NBPF15: variants seen among roughly 807,000 people sequenced by gnomAD.
The protein encoded by NBPF15 is NBPF family member NBPF15.
In NBPF15, 74 loss-of-function variants were observed where a neutral mutation model predicts 62.2. That is an observed-to-expected ratio of 1.19 (90% confidence interval 0.99 to 1.44). NBPF15 has a LOEUF of 1.44. Ranked by LOEUF, NBPF15 falls within the 40% of genes most tolerant of loss-of-function variation. The pLI, the probability that NBPF15 is intolerant of heterozygous loss-of-function variation, is 0.00. For missense variants in NBPF15, 790 were observed against 550.0 expected, an observed-to-expected ratio of 1.44 and a Z score of -4.36; for synonymous variants, 244 against 209.7, an observed-to-expected ratio of 1.16 and a Z score of -1.41.
Position 144,450,866 on chromosome 1 carries a change from C to A in NBPF15, c.-427G>T, listed in dbSNP as rs1170373963. ...AGTGTGGCTTTACTGTTATCAATCA[C>A]ATTTCTGAAAGAATAAAAATGGTTC... On this transcript the variant is annotated 5_prime_UTR_variant, in exon 5 of 22. An upstream start codon of the reference 5' UTR is lost. Coordinates refer to ENST00000581897, the MANE Select transcript of NBPF15 (RefSeq NM_001385408.1). 2.2e-5 allele frequency: 17 copies of A among 789,916 alleles called. No individual in the cohort carries two copies. The highest frequency in any genetic ancestry group is 2.5e-5 in the Non-Finnish European group (16 of 652,586). The allele number at this position is 789,916 out of a possible 1,614,324, so 48.9% of individuals were successfully genotyped here. A position where few individuals can be genotyped will look rare whatever the true frequency, so the allele number is the denominator to read the frequency against.
rs1229682742 is a variant in NBPF15, at chr1:144,445,853, CTTTTTTTTTTT to C, written c.-191+2911_-191+2921del. On this transcript the variant is annotated intron_variant, in intron 6 of 21. Transcript: ENST00000581897. The stretch of plus-strand genomic sequence containing the variant: ...CCTTACATAAATTTTGTTGACTTTC[CTTTTTTTTTTT>C]TTTTTTTTTTGAAACAGAGTCTTGC... 9.5e-5 allele frequency among the ~76,000 whole-genome samples: 10 copies of C among 105,410 alleles called. 1 individual carries two copies. Among genetic ancestry groups the C allele is most frequent in the African/African-American group, 3.0e-4 (8 of 26,314 alleles). The allele number at this position is 105,410 out of a possible 152,430, so 69.2% of individuals were successfully genotyped here.
intron 17 of NBPF15, 105 bp from the exon 18 acceptor site, chr1:144,426,555 G>A (rs1669796570): frequency 1.6e-5 from 12 of 734,244 alleles, no homozygotes; most frequent in South Asian, 1.3e-4. Flanking sequence ...AAAAGAAAAA[G>A]GACGGATCCA....
chr1:144,461,158 A>G (rs4950234), intron 1 of NBPF15, among the ~76,000 whole-genome samples, 197 bp from the exon 2 acceptor site: 14,736 of 151,532 alleles, frequency 0.097, 1,976 homozygotes, highest in African/African-American at 0.3. Flanking sequence ...CCACCCCCTG[A>G]GATGCCACAG....
At position 144,423,004 on chromosome 1, in the gene NBPF15, A is replaced by G; in HGVS notation, c.*9T>C. 6.2e-7 allele frequency: 1 copy of G among 1,611,648 alleles called. No homozygotes were observed. The highest frequency in any genetic ancestry group is 8.5e-7 in the Non-Finnish European group (1 of 1,179,616). ...CAGGAATGACATCTCTCGGCTTAGT[A>G]AGAGCTGCTTATTGTGGGAATATGA... On this transcript the variant is annotated 3_prime_UTR_variant, in exon 22 of 22. Transcript: ENST00000581897.
chr1:144,435,456 C>G, intron 11 of NBPF15, 140 bp from the exon 12 acceptor site: 1 of 1,368,022 alleles, frequency 7.3e-7, no homozygotes, highest in South Asian at 1.2e-5. Flanking sequence ...TAAGAGGGAA[C>G]ATGCAATCCT....
chr1:144,435,068 C>T, intron 12 of NBPF15, 43 bp downstream of exon 12: 2 of 1,611,762 alleles, frequency 1.2e-6, no homozygotes, highest in South Asian at 1.1e-5. Context: ...TTATCTTCCT[C>T]AGCCTAGAGA....
At chr1:144,427,674 G>A (rs1571110986) in intron 16 of NBPF15, 144 bp downstream of exon 16, 1 of 634,872 alleles carries the variant, frequency 1.6e-6, no homozygotes, top group South Asian at 1.9e-5. Flanking sequence ...AGTGGAACTA[G>A]AGTTTCATTC....
In NBPF15 at chr1:144,424,760, G is replaced by A; in HGVS notation, c.1593C>T (p.Ser531=). ...AAAAGGAACTTCCATAGGGCTGGCA[G>A]GAGTCAGGCTGTTCAAGACAACTGG... ...TPSSCLEQPD[S]CQPYGSSFYA... is the part of the protein sequence containing the mutation. The change falls in exon 20 of 22, where the codon TCC becomes TCT. Residue 531 remains serine, a synonymous_variant. Coordinates refer to ENST00000581897, the MANE Select transcript of NBPF15 (RefSeq NM_001385408.1). 1 of 598,350 alleles carries A rather than the reference G, an allele frequency of 1.7e-6. No homozygotes were observed. Among genetic ancestry groups the A allele is most frequent in the Non-Finnish European group, 2.9e-6 (1 of 345,232 alleles). 37.1% of individuals were successfully genotyped at this position (598,350 alleles called of 1,614,324 possible).
intron 4 of NBPF15, 45 bp from the exon 5 acceptor site, chr1:144,450,915 C>A (rs1690673539): frequency 4.7e-6 from 1 of 210,766 alleles, no homozygotes; most frequent in South Asian, 1.7e-4. Flanking sequence ...GTTGCCCCTC[C>A]ACACCTGTGG....
chr1:144,438,104 A>G, intron 8 of NBPF15, 57 bp from the exon 9 acceptor site: 1 of 1,593,264 alleles, frequency 6.3e-7, no homozygotes, highest in Non-Finnish European at 8.6e-7. Flanking sequence ...TGCTGTGGTC[A>G]TTGCCTACAG....
At chr1:144,427,451 G>C (rs1441091811) in intron 16 of NBPF15, among the ~76,000 whole-genome samples, 2 of 149,638 alleles carry the variant, frequency 1.3e-5, no homozygotes, top group African/African-American at 5.0e-5. Context: ...CAAATACTCA[G>C]ATTGTTCATG....
chr1:144,425,065 C>CAA (rs1668661258), intron 19 of NBPF15, among the ~76,000 whole-genome samples: 1 of 108,160 alleles, frequency 9.2e-6, no homozygotes, highest in Non-Finnish European at 1.9e-5. Flanking sequence ...GATAGACACA[C>CAA]ACACACACAC....
At position 144,426,418 on chromosome 1, in the gene NBPF15, G is replaced by T. The variant is rs781872209; in HGVS notation, c.1298C>A (p.Pro433His). 58 of 798,074 alleles carry T rather than the reference G, an allele frequency of 7.3e-5. No individual in the cohort carries two copies. The East Asian group carries it at 1.3e-3, about 18-fold the overall frequency. 49.4% of individuals were successfully genotyped at this position (798,074 alleles called of 1,614,324 possible). A position where few individuals can be genotyped will look rare whatever the true frequency, so the allele number is the denominator to read the frequency against. ...LSRELLDEKEPEVLQDSLDRC... is the reference protein window; with the variant it reads ...LSRELLDEKEHEVLQDSLDRC... ...ATCCAGTGAGTCCTGCAAGACTTCA[G>T]GCTCTTTCTCATCCAGCAGCTCCCT... The change falls in exon 18 of 22, where the codon CCT (proline) becomes CAT (histidine). Residue 433 changes from proline (P) to histidine (H), a missense_variant. Transcript: ENST00000581897.
chr1:144,450,447 C>T (rs587758965), intron 5 of NBPF15, among the ~76,000 whole-genome samples: 2 of 152,080 alleles, frequency 1.3e-5, no homozygotes, highest in East Asian at 3.9e-4. Flanking sequence ...CTCAGCCCCC[C>T]ACAAACAAGA....
chr1:144,451,337 G>T (rs377640780), intron 4 of NBPF15, among the ~76,000 whole-genome samples: 2 of 151,692 alleles, frequency 1.3e-5, no homozygotes, highest in Non-Finnish European at 2.9e-5. Flanking sequence ...GCTTTACACC[G>T]AGACATTCCA....
chr1:144,438,989 T>C (rs1252754260), intron 8 of NBPF15, among the ~76,000 whole-genome samples: 1 of 151,590 alleles, frequency 6.6e-6, no homozygotes, highest in East Asian at 1.9e-4. Context: ...TTATCATTAT[T>C]ATTATTATTT....
At position 144,435,101 on chromosome 1, in the gene NBPF15, C is replaced by T. The variant is rs1558605269; in HGVS notation, c.772+10G>A. On this transcript the variant is annotated intron_variant, in intron 12 of 21. Transcript: ENST00000581897. The stretch of plus-strand genomic sequence containing the variant: ...AGAGAGGTATGAGACACAAGGAAAA[C>T]AGAGGCTACCTGGAATAATGTGTAC... 6.2e-7 allele frequency: 1 copy of T among 1,612,570 alleles called. No individual in the cohort carries two copies. Among genetic ancestry groups the T allele is most frequent in the Non-Finnish European group, 8.5e-7 (1 of 1,179,662 alleles).
chr1:144,459,688 C>A (rs369384721), intron 2 of NBPF15, among the ~76,000 whole-genome samples: 2 of 150,686 alleles, frequency 1.3e-5, no homozygotes, highest in African/African-American at 2.4e-5. Flanking sequence ...ATTTAACAGG[C>A]ACTTCACAAA....
intron 6 of NBPF15, among the ~76,000 whole-genome samples, chr1:144,445,344 TATATATATATACAC>T (rs1686682799): frequency 1.6e-5 from 2 of 122,870 alleles, no homozygotes; most frequent in South Asian, 5.3e-4. Context: ...TATATATATA[TATATATATATACAC>T]ACACACACAC....
Sources: allele counts gnomAD v4.1 joint callset (sites outside exome capture counted in the v4.1 genomes callset), GRCh38; gene constraint gnomAD v4.1.1; transcripts MANE v1.5; gene names NCBI Gene and HGNC (gene_info 2026-07-23, HGNC 2026-07-21).